MGMT: variants seen among roughly 807,000 people sequenced by gnomAD.
MGMT encodes the protein methylated-DNA--protein-cysteine methyltransferase.
A neutral mutation model predicts 15.9 loss-of-function variants in MGMT; 14 were observed. The ratio of observed to expected loss-of-function variants is 0.88; its 90% CI spans 0.58 to 1.37. MGMT has a LOEUF of 1.37. Ranked by LOEUF, MGMT falls within the 40% of genes most tolerant of loss-of-function variation. MGMT has a pLI of 0.00. For missense variants in MGMT, 282 were observed against 268.1 expected, an observed-to-expected ratio of 1.05 and a Z score of -0.36; for synonymous variants, 130 against 118.2, an observed-to-expected ratio of 1.10 and a Z score of -0.65.
At chr10:129,510,551 A>G (rs1196590088) in intron 1 of MGMT, among the ~76,000 whole-genome samples, 2 of 151,536 alleles carry the variant, frequency 1.3e-5, no homozygotes, top group Non-Finnish European at 2.9e-5. Context: ...TCTGTCATGC[A>G]TTGGGGGCTT....
intron 2 of MGMT, among the ~76,000 whole-genome samples, chr10:129,609,956 G>A (rs187940168): frequency 1.6e-4 from 24 of 152,288 alleles, no homozygotes; most frequent in Admixed American, 1.2e-3. Flanking sequence ...GCCCAGTGAC[G>A]TCTGTGCAGT....
At chr10:129,548,317 G>A (rs916747585) in intron 2 of MGMT, among the ~76,000 whole-genome samples, 1 of 151,964 alleles carries the variant, frequency 6.6e-6, no homozygotes, top group Non-Finnish European at 1.5e-5. Flanking sequence ...CTGAAACTAG[G>A]GAAAAAGAAA....
chr10:129,654,067 ACTG>A (rs1356592414), intron 2 of MGMT, among the ~76,000 whole-genome samples: 1 of 151,678 alleles, frequency 6.6e-6, no homozygotes, highest in Non-Finnish European at 1.5e-5. Context: ...ACACCCTACT[ACTG>A]CACCCTCCAC....
intron 2 of MGMT, among the ~76,000 whole-genome samples, chr10:129,598,852 G>C (rs1589886740): frequency 6.6e-6 from 1 of 152,148 alleles, no homozygotes; most frequent in South Asian, 2.1e-4. Context: ...GCCTCTTCAG[G>C]TGCTGAACAC....
At chr10:129,719,301 T>G (rs1395603553) in intron 3 of MGMT, among the ~76,000 whole-genome samples, 1 of 152,260 alleles carries the variant, frequency 6.6e-6, no homozygotes, top group Non-Finnish European at 1.5e-5. Context: ...TGTCACCATG[T>G]GGGCCCTACT....
chr10:129,762,663 C>G (rs138347787), intron 4 of MGMT, among the ~76,000 whole-genome samples: 1 of 152,266 alleles, frequency 6.6e-6, no homozygotes, highest in East Asian at 1.9e-4. Flanking sequence ...CAAAGGCAAT[C>G]GATACATTGC....
chr10:129,723,732 T>C lies in MGMT; in HGVS notation c.274+15689T>C, dbSNP rs1015689741. Among the ~76,000 whole-genome samples, 8 of 152,174 alleles carry C rather than the reference T, an allele frequency of 5.3e-5. No homozygotes were observed. The East Asian group carries it at 1.5e-3, about 29-fold the overall frequency. On this transcript the variant is annotated intron_variant, in intron 3 of 4. Coordinates refer to ENST00000651593, the MANE Select transcript of MGMT (RefSeq NM_002412.5). ...TAACTGGACAAAATATCTCACATTT[T>C]CATCGCAAAGACACATAATACACAG...
chr10:129,710,809 A>C (rs905603040), intron 3 of MGMT, among the ~76,000 whole-genome samples: 3 of 152,246 alleles, frequency 2.0e-5, no homozygotes, highest in Non-Finnish European at 2.9e-5. Flanking sequence ...CCTGCTTTGC[A>C]GACTGAGAGG....
At chr10:129,534,182 C>G (rs1490343377) in intron 1 of MGMT, among the ~76,000 whole-genome samples, 1 of 152,148 alleles carries the variant, frequency 6.6e-6, no homozygotes, top group African/African-American at 2.4e-5. Flanking sequence ...CCGTGATTTG[C>G]ACCCCCTGCC....
At chr10:129,745,656 A>G (rs116845992) in intron 3 of MGMT, among the ~76,000 whole-genome samples, 4,417 of 152,280 alleles carry the variant, frequency 0.029, 89 homozygotes, top group Middle Eastern at 0.071. Context: ...GGCCATTCTA[A>G]TAGATATGTA....
chr10:129,764,237 C>CG (rs778365928), intron 4 of MGMT, among the ~76,000 whole-genome samples: 7 of 152,216 alleles, frequency 4.6e-5, no homozygotes, highest in Admixed American at 2.0e-4. Flanking sequence ...TGGGGCCTTG[C>CG]GGGGTGATGG....
chr10:129,487,401 A>G (rs1183242901), intron 1 of MGMT, among the ~76,000 whole-genome samples: 1 of 152,096 alleles, frequency 6.6e-6, no homozygotes. Context: ...ACAGTTTTGG[A>G]TTACATGTAA....
intron 3 of MGMT, among the ~76,000 whole-genome samples, chr10:129,748,433 G>A (rs116743692): frequency 0.012 from 1,900 of 152,162 alleles, 38 homozygotes; most frequent in African/African-American, 0.043. Context: ...ATTTCATTTT[G>A]GAGTGTGTCC....
rs185965685 is a variant in MGMT at position 129,762,080 on chromosome 10, G to A, written c.414+2739G>A. Among the ~76,000 whole-genome samples the A allele has an allele frequency of 4.5e-4, 69 of 152,360 alleles. No homozygotes were observed. In the East Asian group the frequency reaches 7.3e-3, roughly 16 times the overall value. The stretch of plus-strand genomic sequence containing the variant: ...GCTAGAGGAAGGGCGCTGGCCAGCA[G>A]TGAGCCATTGCTGCTGTCAGTGTCC... On this transcript the variant is annotated intron_variant, in intron 4 of 4. Coordinates refer to ENST00000651593, the MANE Select transcript of MGMT (RefSeq NM_002412.5).
At chr10:129,766,541 C>T (rs1848936956) in intron 4 of MGMT, among the ~76,000 whole-genome samples, 1 of 152,206 alleles carries the variant, frequency 6.6e-6, no homozygotes, top group Admixed American at 6.5e-5. Context: ...TGAGGATGCC[C>T]CACGTCACCT....
chr10:129,576,716 C>T (rs1010596733), intron 2 of MGMT, among the ~76,000 whole-genome samples: 2 of 152,096 alleles, frequency 1.3e-5, no homozygotes, highest in Non-Finnish European at 2.9e-5. Flanking sequence ...GAATAAAGGG[C>T]ATTCATTTAG....
intron 2 of MGMT, among the ~76,000 whole-genome samples, chr10:129,675,085 C>A (rs191632506): frequency 1.3e-5 from 2 of 152,130 alleles, no homozygotes; most frequent in African/African-American, 2.4e-5. Context: ...GAAGAAGGAC[C>A]CCACCTTGCA....
At chr10:129,543,139 C>T (rs951253411) in intron 2 of MGMT, among the ~76,000 whole-genome samples, 10 of 152,178 alleles carry the variant, frequency 6.6e-5, no homozygotes, top group Non-Finnish European at 1.2e-4. Flanking sequence ...TGCTGGCCCC[C>T]GGACACACAG....
chr10:129,713,672 C>G (rs1848258715), intron 3 of MGMT, among the ~76,000 whole-genome samples: 1 of 152,132 alleles, frequency 6.6e-6, no homozygotes. Context: ...GGGCAGAGAT[C>G]AGTGAAAGTG....
Sources: allele counts gnomAD v4.1 joint callset (sites outside exome capture counted in the v4.1 genomes callset), GRCh38; gene constraint gnomAD v4.1.1; transcripts MANE v1.5; gene names NCBI Gene and HGNC (gene_info 2026-07-23, HGNC 2026-07-21).